Variants in BRINP3 observed in about 807,000 individuals in gnomAD.
BRINP3 encodes BMP/retinoic acid inducible neural specific 3, also known as BMP/retinoic acid-inducible neural-specific protein 3.
BRINP3 carries 19 observed loss-of-function variants against 71.0 expected under a neutral mutation model. The ratio of observed to expected loss-of-function variants is 0.27; its 90% CI spans 0.19 to 0.39. The LOEUF is 0.39. BRINP3 is among the 10% of genes least tolerant of loss of function. The pLI, the probability that BRINP3 is intolerant of heterozygous loss-of-function variation, is 1.00. For synonymous variants in BRINP3, 380 were observed against 337.7 expected (o/e 1.13, Z -1.37); for missense variants, 959 against 940.8 (o/e 1.02, Z -0.25).
intron 7 of BRINP3, among the ~76,000 whole-genome samples, chr1:190,123,580 G>C (rs1653855953): frequency 6.6e-6 from 1 of 151,996 alleles, no homozygotes. Context: ...CTTATATTTA[G>C]ATAGTACTTA....
intron 2 of BRINP3, among the ~76,000 whole-genome samples, chr1:190,309,504 A>T (rs1665369144): frequency 6.6e-6 from 1 of 151,856 alleles, no homozygotes; most frequent in African/African-American, 2.4e-5. Context: ...ATTTCGGCAT[A>T]TATTGAATAG....
At chr1:190,255,653 T>C (rs908179297) in intron 4 of BRINP3, among the ~76,000 whole-genome samples, 1 of 152,192 alleles carries the variant, frequency 6.6e-6, no homozygotes, top group African/African-American at 2.4e-5. Context: ...TTTTATTGCA[T>C]TTATTTTATT....
intron 2 of BRINP3, among the ~76,000 whole-genome samples, chr1:190,368,345 AC>A (rs1318099140): frequency 1.3e-5 from 2 of 151,982 alleles, no homozygotes; most frequent in Non-Finnish European, 2.9e-5. Context: ...GAGGGTCACC[AC>A]CCACATGATT....
intron 2 of BRINP3, among the ~76,000 whole-genome samples, chr1:190,444,522 T>A (rs1199808605): frequency 6.6e-6 from 1 of 151,674 alleles, no homozygotes; most frequent in Non-Finnish European, 1.5e-5. Flanking sequence ...TATTTATTTA[T>A]TTTTATTTAT....
intron 4 of BRINP3, among the ~76,000 whole-genome samples, chr1:190,251,422 G>A (rs1379891703): frequency 6.6e-6 from 1 of 151,908 alleles, no homozygotes. Flanking sequence ...AGAGATGACA[G>A]TTAATTGAGC....
At chr1:190,190,524 A>C (rs1653940909) in intron 6 of BRINP3, among the ~76,000 whole-genome samples, 1 of 152,144 alleles carries the variant, frequency 6.6e-6, no homozygotes, top group Admixed American at 6.6e-5. Context: ...ATCACTTGAC[A>C]GTCCTACTCT....
chr1:190,127,746 T>C (rs1209333114), intron 7 of BRINP3, among the ~76,000 whole-genome samples: 1 of 151,862 alleles, frequency 6.6e-6, no homozygotes, highest in Non-Finnish European at 1.5e-5. Context: ...TGGGTATATA[T>C]GGCAAAATGG....
intron 6 of BRINP3, among the ~76,000 whole-genome samples, chr1:190,169,804 T>G (rs750424285): frequency 3.9e-5 from 6 of 152,170 alleles, no homozygotes; most frequent in Non-Finnish European, 7.3e-5. Context: ...CATAAATAAC[T>G]GTTAGTTATT....
intron 4 of BRINP3, among the ~76,000 whole-genome samples, chr1:190,249,550 T>C (rs1436544016): frequency 6.6e-6 from 1 of 151,884 alleles, no homozygotes; most frequent in Non-Finnish European, 1.5e-5. Flanking sequence ...AAGTAAAATG[T>C]GTTAACTTAA....
chr1:190,099,245 A>C, intron 7 of BRINP3, 111 bp from the exon 8 acceptor site: 2 of 1,027,118 alleles, frequency 1.9e-6, no homozygotes, highest in Non-Finnish European at 2.8e-6. Context: ...ATCTCCAGCC[A>C]GTAATTTAAA....
At chr1:190,274,067 A>G (rs1662343398) in intron 3 of BRINP3, among the ~76,000 whole-genome samples, 1 of 151,536 alleles carries the variant, frequency 6.6e-6, no homozygotes, top group African/African-American at 2.4e-5. Flanking sequence ...AAGTTTGGAC[A>G]GTCATCACAA....
In BRINP3 at chr1:190,383,863, TATTG is replaced by T. The variant is rs1160503894; in HGVS notation, c.236+70788_236+70791del. ...GACAGGCTTATAAAATAATAAATGT[TATTG>T]ATTATTAAGTGCTTATTAAGTGTTG... is the stretch of plus-strand genomic sequence containing the variant. On this transcript the variant is annotated intron_variant, in intron 2 of 7. Coordinates refer to ENST00000367462, the MANE Select transcript of BRINP3 (RefSeq NM_199051.3). Among the ~76,000 whole-genome samples, 4 of 152,148 alleles carry T rather than the reference TATTG, an allele frequency of 2.6e-5. No individual in the cohort carries two copies. In the East Asian group the frequency reaches 7.7e-4, roughly 29 times the overall value.
intron 6 of BRINP3, among the ~76,000 whole-genome samples, chr1:190,162,195 A>ATTT (rs200789147): frequency 1.9e-3 from 268 of 144,538 alleles, no homozygotes; most frequent in African/African-American, 6.3e-3. Context: ...TAATAGATGC[A>ATTT]TTTTTTTTTT....
intron 4 of BRINP3, among the ~76,000 whole-genome samples, chr1:190,260,072 A>G (rs961857516): frequency 2.0e-5 from 3 of 147,882 alleles, no homozygotes; most frequent in African/African-American, 7.5e-5. Flanking sequence ...AAGAACCACA[A>G]AAAAAAAAAA....
chr1:190,243,229 A>G (rs1659279530), intron 4 of BRINP3, among the ~76,000 whole-genome samples: 2 of 152,132 alleles, frequency 1.3e-5, no homozygotes, highest in African/African-American at 4.8e-5. Flanking sequence ...AAATAACATC[A>G]GGACCCCTTT....
intron 5 of BRINP3, among the ~76,000 whole-genome samples, chr1:190,233,129 A>AT (rs1658161643): frequency 6.6e-6 from 1 of 151,822 alleles, no homozygotes; most frequent in South Asian, 2.1e-4. Context: ...TTTTTTTTTA[A>AT]TTTTTTAGAG....
chr1:190,471,674 T>A (rs1241379906), intron 1 of BRINP3, among the ~76,000 whole-genome samples: 1 of 151,410 alleles, frequency 6.6e-6, no homozygotes, highest in Admixed American at 6.6e-5. Context: ...CATTTTTAAA[T>A]GATTACATGA....
chr1:190,422,140 T>A (rs1213705867), intron 2 of BRINP3, among the ~76,000 whole-genome samples: 5 of 151,784 alleles, frequency 3.3e-5, no homozygotes, highest in Non-Finnish European at 7.4e-5. Context: ...TTCTAATCTA[T>A]ATAGTGCAAA....
At chr1:190,472,911 G>A (rs1677233929) in intron 1 of BRINP3, among the ~76,000 whole-genome samples, 1 of 151,478 alleles carries the variant, frequency 6.6e-6, no homozygotes, top group South Asian at 2.1e-4. Flanking sequence ...TTTGCATGGA[G>A]AAAATCAAGA....
Sources: allele counts gnomAD v4.1 joint callset (sites outside exome capture counted in the v4.1 genomes callset), GRCh38; gene constraint gnomAD v4.1.1; transcripts MANE v1.5; gene names NCBI Gene and HGNC (gene_info 2026-07-23, HGNC 2026-07-21).